The following GAPDH variants were observed in gnomAD, a reference collection of about 807,000 sequenced individuals.
GAPDH encodes the protein glyceraldehyde-3-phosphate dehydrogenase.
Under a neutral mutation model 31.2 loss-of-function variants are expected in GAPDH, and 13 were observed. The ratio of observed to expected loss-of-function variants is 0.42; its 90% confidence interval spans 0.27 to 0.66. GAPDH has a LOEUF of 0.66. Among genes scored for constraint, GAPDH ranks in the 30% least tolerant of loss-of-function variants. The pLI is 0.26. For missense variants in GAPDH, 300 were observed against 443.7 expected (o/e 0.68, Z 2.91); for synonymous variants, 211 against 166.9 (o/e 1.26, Z -2.04).
chr12:6,535,676 G>A (rs1173524793), intron 2 of GAPDH, among the ~76,000 whole-genome samples: 1 of 152,114 alleles, frequency 6.6e-6, no homozygotes, highest in Non-Finnish European at 1.5e-5. Context: ...TGCCAGCCTA[G>A]CGTTGACCCG....
At position 6,536,858 on chromosome 12, in the gene GAPDH, G is replaced by A. The variant is rs747848762; in HGVS notation, c.237-62G>A. On this transcript the variant is annotated intron_variant, in intron 4 of 8. Transcript: ENST00000229239. ...AACTAGGATGGTGTGGCTCCCTTGG[G>A]TATATGGTAACCTTGTGTCCCTCAA... The A allele has an allele frequency of 2.4e-5, 38 of 1,585,004 alleles. No homozygotes were observed. The East Asian group carries it at 6.5e-4, about 27-fold the overall frequency.
At chr12:6,535,172 C>A in intron 2 of GAPDH, 3 of 1,106,604 alleles carry the variant, frequency 2.7e-6, no homozygotes, top group African/African-American at 1.6e-5. Flanking sequence ...TCCTTTCGCG[C>A]TCTGCGGGGT....
In GAPDH at chr12:6,537,548, T is replaced by G; in HGVS notation, c.526-36T>G. On this transcript the variant is annotated intron_variant, in intron 7 of 8. Transcript: ENST00000229239. This position sits in a 1 kb window ranked among gnomAD's most constrained non-coding sequence, Gnocchi z 4.9. Reference sequence around the variant, plus strand: ...TGGGGAGGGAGGTAGAGGGGTGATGTGGGGAGTACGCTGCAGGGCCTCACT... The same window carrying G: ...TGGGGAGGGAGGTAGAGGGGTGATGGGGGGAGTACGCTGCAGGGCCTCACT... 1.3e-6 allele frequency: 2 copies of G among 1,597,428 alleles called. No individual in the cohort carries two copies. Among genetic ancestry groups the G allele is most frequent in the Admixed American group, 1.7e-5 (1 of 59,202 alleles).
rs1946475675 is a variant in GAPDH at position 6,536,710 on chromosome 12, C to T, written c.156C>T (p.Thr52=). The part of the protein sequence containing the change: ...YMVYMFQYDS[T]HGKFHGTVKA... ...TTTACATGTTCCAATATGATTCCAC[C>T]CATGGCAAATTCCATGGCACCGTCA... The change falls in exon 4 of 9, where the codon ACC becomes ACT. Residue 52 remains threonine (T), a synonymous_variant. Coordinates refer to ENST00000229239, the MANE Select transcript of GAPDH (RefSeq NM_002046.7). The T allele has an allele frequency of 1.2e-6, 2 of 1,613,934 alleles. No homozygotes were observed. The highest frequency in any genetic ancestry group is 1.7e-6 in the Non-Finnish European group (2 of 1,179,918).
intron 2 of GAPDH, chr12:6,535,196 G>A (rs899766788): frequency 9.9e-6 from 11 of 1,105,870 alleles, no homozygotes; most frequent in African/African-American, 3.3e-5. Context: ...GTGTCGCAGA[G>A]GAGCCCCTCC....
intron 2 of GAPDH, 88 bp from the exon 3 acceptor site, chr12:6,536,406 G>A (rs925543202): frequency 1.5e-5 from 14 of 920,382 alleles, no homozygotes; most frequent in Middle Eastern, 3.0e-4. Context: ...TGCTGCATTC[G>A]CCCTCTTAAT....
At chr12:6,534,600 C>G (rs912657215) in intron 1 of GAPDH, 31 bp downstream of exon 1, 17 of 576,240 alleles carry the variant, frequency 3.0e-5, no homozygotes, top group African/African-American at 2.0e-4. Flanking sequence ...ACCCGGGAGG[C>G]TAGGGACGGC....
chr12:6,534,650 C>CGCCGCTGCGGGGTGGGCCCGGGCG, intron 1 of GAPDH, 81 bp downstream of exon 1: 1 of 686,658 alleles, frequency 1.5e-6, no homozygotes, highest in Non-Finnish European at 2.6e-6. Flanking sequence ...GATGTGTTCG[C>CGCCGCTGCGGGGTGGGCCCGGGCG]GCCGCTGCGG....
At chr12:6,534,967 C>G in intron 2 of GAPDH, 106 bp downstream of exon 2, 2 of 1,274,860 alleles carry the variant, frequency 1.6e-6, no homozygotes, top group Non-Finnish European at 2.2e-6. Context: ...GGCAGGGTAG[C>G]TGTTCCCCGC....
chr12:6,536,199 A>ATG (rs1393891057), intron 2 of GAPDH, among the ~76,000 whole-genome samples: 2 of 152,324 alleles, frequency 1.3e-5, no homozygotes, highest in East Asian at 3.9e-4. Context: ...GGTGAATACC[A>ATG]TGTACAAAGC....
intron 2 of GAPDH, chr12:6,535,070 C>G (rs1191484387): frequency 1.3e-6 from 1 of 778,534 alleles, no homozygotes; most frequent in African/African-American, 1.9e-5. Flanking sequence ...CGCCATCTGC[C>G]CGGAGCCTCC....
intron 2 of GAPDH, 128 bp from the exon 3 acceptor site, chr12:6,536,366 A>G: frequency 1.4e-6 from 1 of 703,376 alleles, no homozygotes; most frequent in Non-Finnish European, 2.5e-6. Context: ...ATAAAATTCA[A>G]CCTCTTGGGC....
chr12:6,534,781 G>A, intron 1 of GAPDH, 29 bp from the exon 2 acceptor site: 2 of 1,602,658 alleles, frequency 1.2e-6, no homozygotes, highest in East Asian at 2.2e-5. Flanking sequence ...GGGGCCACTA[G>A]GCGCTCACTG....
chr12:6,537,482 G>C lies in GAPDH; in HGVS notation c.525+92G>C. 7 of 1,580,974 alleles carry C rather than the reference G, an allele frequency of 4.4e-6. No individual in the cohort carries two copies. The highest frequency in any genetic ancestry group is 4.3e-6 in the Non-Finnish European group (5 of 1,156,202). On this transcript the variant is annotated intron_variant, in intron 7 of 8. Coordinates refer to ENST00000229239, the MANE Select transcript of GAPDH (RefSeq NM_002046.7). The surrounding 1 kb of genome is among the most constrained non-coding windows in gnomAD (Gnocchi z 4.9). Reference sequence around the variant, plus strand: ...GGGGCTGCGTGCAACCCTGGGGTTGGGGGTTCTGGGGACTGGCTTTCCCAT... The same window carrying C: ...GGGGCTGCGTGCAACCCTGGGGTTGCGGGTTCTGGGGACTGGCTTTCCCAT...
rs1421568334 is a variant in GAPDH, at chr12:6,537,044, G to A, written c.327+34G>A. The A allele has an allele frequency of 6.8e-6, 11 of 1,608,312 alleles. No homozygotes were observed. Among genetic ancestry groups the A allele is most frequent in the African/African-American group, 2.7e-5 (2 of 74,942 alleles). On this transcript the variant is annotated intron_variant, in intron 5 of 8. Coordinates refer to ENST00000229239, the MANE Select transcript of GAPDH (RefSeq NM_002046.7). This position sits in a 1 kb window ranked among gnomAD's most constrained non-coding sequence, Gnocchi z 4.9. ...AGGAGGGCCCGCGGGAGGGGAAGCT[G>A]ACTCAGCCCTGCAAAGGCAGGACCC...
intron 2 of GAPDH, chr12:6,535,163 C>A: frequency 1.8e-6 from 2 of 1,085,188 alleles, no homozygotes; most frequent in Non-Finnish European, 2.4e-6. Context: ...CGCTTTCTTT[C>A]CTTTCGCGCT....
chr12:6,536,500 T>C lies in GAPDH; in HGVS notation c.36T>C (p.Gly12=), dbSNP rs750965191. The C allele has an allele frequency of 6.2e-7, 1 of 1,613,252 alleles. No individual in the cohort carries two copies. The highest frequency in any genetic ancestry group is 1.1e-5 in the South Asian group (1 of 91,070). ...GKVKVGVNGF[G]RIGRLVTRAA... is the part of the protein sequence containing the mutation. Reference sequence around the variant, plus strand: ...CTTGCCTCTTGTCTCTTAGATTTGGTCGTATTGGGCGCCTGGTCACCAGGG... The same window carrying C: ...CTTGCCTCTTGTCTCTTAGATTTGGCCGTATTGGGCGCCTGGTCACCAGGG... Residue 12 remains glycine (G), a synonymous_variant, in exon 3 of 9, where the codon GGT becomes GGC. Coordinates refer to ENST00000229239, the MANE Select transcript of GAPDH (RefSeq NM_002046.7).
intron 2 of GAPDH, 83 bp downstream of exon 2, chr12:6,534,944 G>A (rs1034821886): frequency 1.4e-6 from 2 of 1,440,788 alleles, no homozygotes; most frequent in Non-Finnish European, 1.9e-6. Flanking sequence ...CCGGGTCTTT[G>A]CAGTCGTATG....
Position 6,538,258 on chromosome 12 carries a change from A to C in GAPDH, c.*88A>C. 2.8e-6 allele frequency: 3 copies of C among 1,066,256 alleles called. No individual in the cohort carries two copies. Among genetic ancestry groups the C allele is most frequent in the Non-Finnish European group, 4.3e-6 (3 of 703,018 alleles). 66.0% of individuals were successfully genotyped at this position (1,066,256 alleles called of 1,614,324 possible). On this transcript the variant is annotated 3_prime_UTR_variant, in exon 9 of 9. Coordinates refer to ENST00000229239, the MANE Select transcript of GAPDH (RefSeq NM_002046.7). The stretch of plus-strand genomic sequence containing the variant: ...GAGTCCCTGCCACACTCAGTCCCCC[A>C]CCACACTGAATCTCCCCTCCTCACA...
Sources: gnomAD v4.1 joint callset for allele counts (sites outside exome capture counted in the v4.1 genomes callset) on GRCh38, gnomAD v4.1.1 for gene constraint, Gnocchi (gnomAD v3.1) non-coding constraint, MANE v1.5 for transcripts, NCBI Gene and HGNC (gene_info 2026-07-23, HGNC 2026-07-21) for gene names.